MINAR1: variants seen among roughly 807,000 people sequenced by gnomAD.
MINAR1 encodes the protein membrane integral NOTCH2 associated receptor 1.
MINAR1 carries 40 observed loss-of-function variants against 65.1 expected under a neutral mutation model. The ratio of observed to expected loss-of-function variants is 0.61; its 90% CI spans 0.48 to 0.80. The LOEUF (loss-of-function observed/expected upper bound fraction) is 0.80, where lower values mean the gene tolerates loss of function less well. Ranked by LOEUF, MINAR1 falls within the 30% of genes least tolerant of loss-of-function variation. The pLI, the probability that MINAR1 is intolerant of heterozygous loss-of-function variation, is 0.00. For synonymous variants in MINAR1, 482 were observed against 449.1 expected (o/e 1.07, Z -0.93); for missense variants, 1,128 against 1,148.0 (o/e 0.98, Z 0.25).
chr15:79,456,636 C>T lies in MINAR1; in HGVS notation c.489C>T (p.Cys163=), dbSNP rs781744684. ...CGTCCAAGTGCCGGAAGATGGACTG[C>T]AAGGACTGCCCACAGTTTGTCCCTG... The part of the protein sequence containing the change: ...RQSSKCRKMD[C]KDCPQFVPAS... The change falls in exon 2 of 4, where the codon TGC becomes TGT. Residue 163 remains cysteine (C), a synonymous_variant. Transcript: ENST00000305428. 1 of 1,614,064 alleles carries T rather than the reference C, an allele frequency of 6.2e-7. No individual in the cohort carries two copies. Among genetic ancestry groups the T allele is most frequent in the African/African-American group, 1.3e-5 (1 of 74,928 alleles).
At chr15:79,448,829 T>C (rs1895098457) in intron 1 of MINAR1, among the ~76,000 whole-genome samples, 1 of 152,186 alleles carries the variant, frequency 6.6e-6, no homozygotes, top group African/African-American at 2.4e-5. Flanking sequence ...AGCTTGTCTT[T>C]TGTCCAAAGA....
chr15:79,431,512 TG>T (rs1894436805), upstream of MINAR1, among the ~76,000 whole-genome samples: 2 of 122,818 alleles, frequency 1.6e-5, no homozygotes, highest in Non-Finnish European at 1.7e-5. Flanking sequence ...TGTGTGTGTG[TG>T]TGGGGGGGGA....
rs564953743 is a variant in MINAR1 at position 79,452,695 on chromosome 15, G to T, written c.-50-3403G>T. 2.6e-3 allele frequency among the ~76,000 whole-genome samples: 263 copies of T among 102,506 alleles called. 1 individual carries two copies. Among genetic ancestry groups the T allele is most frequent in the African/African-American group, 0.012 (251 of 21,170 alleles). 67.2% of individuals were successfully genotyped at this position (102,506 alleles called of 152,430 possible). A position where few individuals can be genotyped will look rare whatever the true frequency, so the allele number is the denominator to read the frequency against. On this transcript the variant is annotated intron_variant, in intron 1 of 3. Transcript: ENST00000305428. ...GTATGAGTCTGGGTGTGTGTGTGTG[G>T]GTGTCTGGATGAGTGTGTGGGTGTG...
At position 79,469,915 on chromosome 15, in the gene MINAR1, G is replaced by A. The variant is rs1325756001; in HGVS notation, c.*1531G>A. The A allele has an allele frequency of 2.0e-5, 3 of 152,598 alleles. No individual in the cohort carries two copies. The highest frequency in any genetic ancestry group is 7.2e-5 in the African/African-American group (3 of 41,434). 9.5% of individuals were successfully genotyped at this position (152,598 alleles called of 1,614,324 possible). A position where few individuals can be genotyped will look rare whatever the true frequency, so the allele number is the denominator to read the frequency against. On this transcript the variant is annotated 3_prime_UTR_variant, in exon 4 of 4. Transcript: ENST00000305428. Reference sequence around the variant, plus strand: ...GAGCATCTCAATTTTTAAAGCAATAGGAGTCTAGCATCCATTCTGAAAAAT... The same window carrying A: ...GAGCATCTCAATTTTTAAAGCAATAAGAGTCTAGCATCCATTCTGAAAAAT...
At position 79,463,264 on chromosome 15, in the gene MINAR1, TGAG is replaced by T. The variant is rs576777506; in HGVS notation, c.2500_2502del (p.Glu834del). 785 of 1,614,158 alleles carry T rather than the reference TGAG, an allele frequency of 4.9e-4. 1 individual carries two copies. In the African/African-American group the frequency reaches 8.8e-3, roughly 18 times the overall value. The stretch of plus-strand genomic sequence containing the variant: ...AGCGGGGCCAACCTTCTTGGACCAT[TGAG>T]GAGTATGCACGGAATGCGGGCGACA... On this transcript the variant is annotated inframe_deletion, in exon 3 of 4. Coordinates refer to ENST00000305428, the MANE Select transcript of MINAR1 (RefSeq NM_015206.3).
Position 79,457,151 on chromosome 15 carries a change from A to C in MINAR1, c.1004A>C (p.Gln335Pro). The change falls in exon 2 of 4, where the codon CAA (glutamine) becomes CCA (proline). Residue 335 changes from glutamine to proline, a missense_variant. Physicochemically the swap from Gln to Pro is moderately conservative, Grantham distance 76 (BLOSUM62 -1). Coordinates refer to ENST00000305428, the MANE Select transcript of MINAR1 (RefSeq NM_015206.3). ...RAKHESLDDL[Q>P]ASTYFGPTPV... is the part of the protein sequence containing the mutation. Reference sequence around the variant, plus strand: ...AAGCACGAAAGCTTAGATGACCTTCAAGCCTCTACATATTTTGGGCCCACT... The same window carrying C: ...AAGCACGAAAGCTTAGATGACCTTCCAGCCTCTACATATTTTGGGCCCACT... 1 of 1,614,176 alleles carries C rather than the reference A, an allele frequency of 6.2e-7. No homozygotes were observed. The highest frequency in any genetic ancestry group is 8.5e-7 in the Non-Finnish European group (1 of 1,180,034).
At chr15:79,460,448 A>C (rs980869604) in intron 2 of MINAR1, among the ~76,000 whole-genome samples, 2 of 152,124 alleles carry the variant, frequency 1.3e-5, no homozygotes, top group African/African-American at 4.8e-5. Flanking sequence ...CAAACTGAAG[A>C]AGCCCCTCTG....
At chr15:79,454,483 C>T (rs562117959) in intron 1 of MINAR1, among the ~76,000 whole-genome samples, 8 of 152,256 alleles carry the variant, frequency 5.3e-5, no homozygotes, top group African/African-American at 1.9e-4. Context: ...AAGCAGTATG[C>T]GACCAGGGAA....
At chr15:79,453,912 T>A (rs181778786) in intron 1 of MINAR1, among the ~76,000 whole-genome samples, 13 of 152,328 alleles carry the variant, frequency 8.5e-5, no homozygotes, top group African/African-American at 2.4e-4. Context: ...GGGAGGTGCA[T>A]GGTAGGACAC....
At chr15:79,447,856 T>C (rs1895067410) in intron 1 of MINAR1, among the ~76,000 whole-genome samples, 1 of 152,228 alleles carries the variant, frequency 6.6e-6, no homozygotes, top group Admixed American at 6.5e-5. Context: ...CCTTGTTTAC[T>C]GTGCACCAGA....
intron 1 of MINAR1, among the ~76,000 whole-genome samples, chr15:79,439,956 T>C (rs1347437812): frequency 6.6e-6 from 1 of 152,082 alleles, no homozygotes; most frequent in Non-Finnish European, 1.5e-5. Context: ...GAAATTATGG[T>C]GTCTAGAATG....
upstream of MINAR1, among the ~76,000 whole-genome samples, chr15:79,429,232 T>C (rs1002852128): frequency 6.6e-6 from 1 of 152,232 alleles, no homozygotes; most frequent in Non-Finnish European, 1.5e-5. Flanking sequence ...CTCATCAATT[T>C]ATTAGGTTTC....
At chr15:79,445,658 C>T (rs1016037155) in intron 1 of MINAR1, among the ~76,000 whole-genome samples, 3 of 151,474 alleles carry the variant, frequency 2.0e-5, no homozygotes, top group Non-Finnish European at 2.9e-5. Context: ...AAGTGGTTCT[C>T]CTGCCTCAGC....
chr15:79,431,550 A>T (rs891793928), upstream of MINAR1, among the ~76,000 whole-genome samples: 3 of 151,718 alleles, frequency 2.0e-5, no homozygotes, highest in Non-Finnish European at 4.4e-5. Flanking sequence ...TGGTCACGTG[A>T]CAGTCTTTCC....
intron 1 of MINAR1, among the ~76,000 whole-genome samples, chr15:79,451,809 G>A (rs1056053722): frequency 6.6e-6 from 1 of 152,196 alleles, no homozygotes; most frequent in Non-Finnish European, 1.5e-5. Flanking sequence ...TGCAGGTCTT[G>A]TTGGCAGGCA....
chr15:79,468,101 G>T (rs1218769080), intron 3 of MINAR1, 86 bp from the exon 4 acceptor site: 1 of 1,056,882 alleles, frequency 9.5e-7, no homozygotes, highest in Non-Finnish European at 1.4e-6. Context: ...GACAACTTAA[G>T]TGCTTCAGGA....
chr15:79,462,113 A>C (rs746769900), intron 2 of MINAR1, among the ~76,000 whole-genome samples: 22 of 152,108 alleles, frequency 1.4e-4, no homozygotes, highest in Non-Finnish European at 1.3e-4. Context: ...TATCGCCTCT[A>C]ACCCTCTGAT....
chr15:79,451,024 G>C (rs908953545), intron 1 of MINAR1, among the ~76,000 whole-genome samples: 2 of 152,174 alleles, frequency 1.3e-5, no homozygotes, highest in Admixed American at 1.3e-4. Context: ...CCTATCCAAC[G>C]TCACATAGTG....
At chr15:79,435,724 TAGG>T (rs1319350012) in intron 1 of MINAR1, among the ~76,000 whole-genome samples, 2 of 152,226 alleles carry the variant, frequency 1.3e-5, no homozygotes, top group Non-Finnish European at 2.9e-5. Flanking sequence ...GTGGAAATCT[TAGG>T]AGAGCAGGGA....
Sources: gnomAD v4.1 joint callset for allele counts (sites outside exome capture counted in the v4.1 genomes callset) on GRCh38, gnomAD v4.1.1 for gene constraint, MANE v1.5 for transcripts, NCBI Gene and HGNC (gene_info 2026-07-23, HGNC 2026-07-21) for gene names.